Variants in ITPR1 observed in about 807,000 individuals in gnomAD.
The protein encoded by ITPR1 is inositol 1,4,5-trisphosphate receptor type 1.
ITPR1 carries 96 observed loss-of-function variants against 318.4 expected under a neutral mutation model. The observed-to-expected ratio is 0.30, with a 90% CI of 0.26 to 0.36. The LOEUF (loss-of-function observed/expected upper bound fraction) is 0.36. ITPR1 is among the 10% of genes least tolerant of loss of function. The probability of loss-of-function intolerance (pLI) is 1.00; values close to 1 mark genes in which losing one functional copy is unlikely to be tolerated. For missense variants in ITPR1, 2,440 were observed against 3,460.2 expected, an observed-to-expected ratio of 0.71 and a Z score of 7.40; for synonymous variants, 1,312 against 1,289.9, an observed-to-expected ratio of 1.02 and a Z score of -0.37.
At chr3:4,769,149 C>T (rs2046021567) in intron 46 of ITPR1, among the ~76,000 whole-genome samples, 1 of 152,146 alleles carries the variant, frequency 6.6e-6, no homozygotes, top group Non-Finnish European at 1.5e-5. Context: ...ATCCCCCCAC[C>T]TTGGCCTCCC....
intron 4 of ITPR1, among the ~76,000 whole-genome samples, chr3:4,617,830 C>CAAA (rs34216867): frequency 0.059 from 8,337 of 141,440 alleles, 312 homozygotes; most frequent in Non-Finnish European, 0.089. Context: ...TTAAAAAATG[C>CAAA]AAAAAAAAAA....
chr3:4,525,781 A>G (rs1448082249), intron 4 of ITPR1, among the ~76,000 whole-genome samples: 7 of 152,208 alleles, frequency 4.6e-5, no homozygotes, highest in Non-Finnish European at 1.0e-4. Context: ...AACAGGGAAT[A>G]GAAACTTTGT....
intron 5 of ITPR1, among the ~76,000 whole-genome samples, chr3:4,638,479 A>G (rs184435475): frequency 1.3e-5 from 2 of 152,326 alleles, no homozygotes; most frequent in East Asian, 1.9e-4. Flanking sequence ...AGAACCTTCT[A>G]TTCAGCTTTA....
chr3:4,612,210 C>T (rs1454760439), intron 4 of ITPR1, among the ~76,000 whole-genome samples: 2 of 151,844 alleles, frequency 1.3e-5, no homozygotes, highest in Non-Finnish European at 2.9e-5. Flanking sequence ...TACAGGCGCC[C>T]ACCACCACGC....
At chr3:4,657,387 T>TTTTG (rs1430747946) in intron 12 of ITPR1, among the ~76,000 whole-genome samples, 57 of 116,740 alleles carry the variant, frequency 4.9e-4, no homozygotes, top group African/African-American at 2.2e-3. Context: ...GTACCTAGAG[T>TTTTG]TTTTTTTTTG....
In ITPR1 at chr3:4,759,663, C is replaced by T. The variant is rs114313297; in HGVS notation, c.5545-6867C>T. 5.5e-3 allele frequency among the ~76,000 whole-genome samples: 835 copies of T among 152,308 alleles called. 6 individuals carry two copies. Among genetic ancestry groups the T allele is most frequent in the Non-Finnish European group, 7.3e-3 (494 of 68,026 alleles). On this transcript the variant is annotated intron_variant, in intron 44 of 61. Transcript: ENST00000649015. ...CCTCTTTGCTCTGCTTCATATGGAG[C>T]TGTTTTGCCTTTTGTCTTTTATCTA...
intron 47 of ITPR1, 101 bp downstream of exon 47, chr3:4,775,543 T>C: frequency 1.2e-6 from 1 of 862,944 alleles, no homozygotes; most frequent in Non-Finnish European, 1.9e-6. Context: ...CCTGTTGGCC[T>C]AGGGAGTCAG....
chr3:4,570,743 T>C (rs1160191908), intron 4 of ITPR1, among the ~76,000 whole-genome samples: 1 of 152,228 alleles, frequency 6.6e-6, no homozygotes, highest in African/African-American at 2.4e-5. Context: ...TATTTGGCCA[T>C]TTTGGGGAGC....
At chr3:4,647,564 T>C (rs572822720) in intron 10 of ITPR1, among the ~76,000 whole-genome samples, 4 of 152,204 alleles carry the variant, frequency 2.6e-5, no homozygotes, top group Non-Finnish European at 2.9e-5. Context: ...CCACAAGTAA[T>C]GTGTGAGAGT....
chr3:4,784,043 C>G, intron 51 of ITPR1, 123 bp downstream of exon 51: 2 of 696,732 alleles, frequency 2.9e-6, no homozygotes, highest in Non-Finnish European at 4.9e-6. Context: ...GTACTGTGTG[C>G]TAGGTCCTGG....
chr3:4,634,915 G>T (rs190881417), intron 5 of ITPR1, among the ~76,000 whole-genome samples: 1 of 152,120 alleles, frequency 6.6e-6, no homozygotes, highest in South Asian at 2.1e-4. Context: ...ATTTTTGGGG[G>T]TATTTTTAGT....
At chr3:4,635,327 T>A (rs1198474400) in intron 5 of ITPR1, among the ~76,000 whole-genome samples, 1 of 151,878 alleles carries the variant, frequency 6.6e-6, no homozygotes, top group East Asian at 1.9e-4. Flanking sequence ...TCAGTAAAGG[T>A]ACTAATTCAA....
intron 4 of ITPR1, among the ~76,000 whole-genome samples, chr3:4,557,556 A>T (rs2086257458): frequency 6.6e-6 from 1 of 152,148 alleles, no homozygotes; most frequent in Non-Finnish European, 1.5e-5. Context: ...GACTGTGTTC[A>T]GCTGGGCCTG....
chr3:4,522,113 T>C (rs1296292310), intron 4 of ITPR1, among the ~76,000 whole-genome samples: 2 of 152,220 alleles, frequency 1.3e-5, no homozygotes, highest in African/African-American at 4.8e-5. Context: ...AGGAAGTTTT[T>C]AAATTAAATA....
chr3:4,590,573 T>C (rs1027201879), intron 4 of ITPR1, among the ~76,000 whole-genome samples: 31 of 150,306 alleles, frequency 2.1e-4, no homozygotes, highest in Middle Eastern at 3.5e-3. Context: ...TTAATTATAA[T>C]AATAATTACT....
intron 4 of ITPR1, among the ~76,000 whole-genome samples, chr3:4,541,357 G>T (rs1355339794): frequency 6.6e-6 from 1 of 151,818 alleles, no homozygotes; most frequent in Non-Finnish European, 1.5e-5. Flanking sequence ...AGTTTTGCTT[G>T]GTTTAGAATT....
intron 39 of ITPR1, among the ~76,000 whole-genome samples, chr3:4,716,907 T>C (rs1281948058): frequency 6.6e-6 from 1 of 152,180 alleles, no homozygotes; most frequent in Non-Finnish European, 1.5e-5. Context: ...TTACAGCTGG[T>C]ACCGTTTGAG....
rs368759221 is a variant in ITPR1, at chr3:4,710,432, A to G, written c.4950A>G (p.Thr1650=). 2 of 1,554,388 alleles carry G rather than the reference A, an allele frequency of 1.3e-6. No individual in the cohort carries two copies. The highest frequency in any genetic ancestry group is 1.7e-6 in the Non-Finnish European group (2 of 1,148,224). Residue 1650 remains threonine, a synonymous_variant, in exon 38 of 62, where the codon ACA becomes ACG. Transcript: ENST00000649015. The surrounding 1 kb of genome is among the most constrained non-coding windows in gnomAD (Gnocchi z 4.2). ...CCGAGCTGCTTTTCCCAGAGAACAC[A>G]GACGCCAGAAGGAAATGTGAAAGTG... ...HRPELLFPEN[T]DARRKCESGG...
chr3:4,703,079 C>A, intron 36 of ITPR1, 129 bp downstream of exon 36: 1 of 1,027,934 alleles, frequency 9.7e-7, no homozygotes, highest in Non-Finnish European at 1.4e-6. Context: ...CAGAGCCAGA[C>A]CCGGAACCAA....
Sources: allele counts gnomAD v4.1 joint callset (sites outside exome capture counted in the v4.1 genomes callset), GRCh38; gene constraint gnomAD v4.1.1; non-coding constraint Gnocchi (gnomAD v3.1); transcripts MANE v1.5; gene names NCBI Gene and HGNC (gene_info 2026-07-23, HGNC 2026-07-21).